DAB1: variants seen among roughly 807,000 people sequenced by gnomAD.
DAB1 encodes DAB adaptor protein 1.
Under a neutral mutation model 64.6 loss-of-function variants are expected in DAB1, and 15 were observed. The ratio of observed to expected loss-of-function variants is 0.23; its 90% confidence interval spans 0.16 to 0.36. The LOEUF (loss-of-function observed/expected upper bound fraction) is 0.36. DAB1 is among the 10% of genes least tolerant of loss of function. DAB1 has a pLI of 1.00. For synonymous variants in DAB1, 235 were observed against 251.9 expected (o/e 0.93, Z 0.64); for missense variants, 596 against 706.7 (o/e 0.84, Z 1.78).
chr1:58,087,201 A>G (rs1298121931), intron 5 of DAB1, among the ~76,000 whole-genome samples: 2 of 152,202 alleles, frequency 1.3e-5, no homozygotes, highest in Non-Finnish European at 2.9e-5. Context: ...CTTAGTAGAG[A>G]GCAGGTATCA....
chr1:57,392,722 A>G (rs1682483441), intron 1 of DAB1, among the ~76,000 whole-genome samples: 2 of 152,250 alleles, frequency 1.3e-5, no homozygotes, highest in South Asian at 4.1e-4. Context: ...GTGGAAGAGC[A>G]TTTCTAAACC....
At chr1:57,318,355 A>C (rs975675418) in intron 1 of DAB1, among the ~76,000 whole-genome samples, 11 of 152,170 alleles carry the variant, frequency 7.2e-5, no homozygotes, top group African/African-American at 2.7e-4. Context: ...GTACTAAGTA[A>C]ACAAAATGTC....
At chr1:57,226,674 T>A (rs628307) in intron 2 of DAB1, among the ~76,000 whole-genome samples, 55,970 of 115,354 alleles carry the variant, frequency 0.49, 12,755 homozygotes, top group Middle Eastern at 0.57. Flanking sequence ...AAAAAAAAAA[T>A]ATATATATAT....
At chr1:57,438,956 C>T (rs140529541) in intron 7 of DAB1, among the ~76,000 whole-genome samples, 1 of 152,286 alleles carries the variant, frequency 6.6e-6, no homozygotes, top group Admixed American at 6.5e-5. Context: ...TATGTGATTT[C>T]TCAGAGGTTG....
chr1:58,011,354 C>G (rs1475574004), intron 5 of DAB1, among the ~76,000 whole-genome samples: 1 of 152,174 alleles, frequency 6.6e-6, no homozygotes, highest in Non-Finnish European at 1.5e-5. Context: ...AAGTACTAAA[C>G]TAATCCAAAC....
In DAB1 at chr1:57,383,801, C is replaced by T. The variant is rs182719513; in HGVS notation, c.-137+40129G>A. Reference sequence around the variant, plus strand: ...AACCATGAAACTTACAACTACAAAACCTTTGAAAGAAAACACAAAGGAAAA... The same window carrying T: ...AACCATGAAACTTACAACTACAAAATCTTTGAAAGAAAACACAAAGGAAAA... On this transcript the variant is annotated intron_variant, in intron 1 of 14. Coordinates refer to ENST00000371236, the MANE Select transcript of DAB1 (RefSeq NM_001365792.1). 4.9e-4 allele frequency among the ~76,000 whole-genome samples: 75 copies of T among 152,118 alleles called. 1 individual carries two copies. Among genetic ancestry groups the T allele is most frequent in the African/African-American group, 1.7e-3 (71 of 41,508 alleles).
chr1:57,850,663 G>A (rs1000585329), intron 1 of DAB1, among the ~76,000 whole-genome samples: 12 of 152,112 alleles, frequency 7.9e-5, no homozygotes, highest in South Asian at 6.2e-4. Context: ...TGCAAGTGCC[G>A]GGCTGGACCC....
At position 57,595,932 on chromosome 1, in the gene DAB1, T is replaced by C. The variant is rs71642131; in HGVS notation, n.625+53660A>G. Among the ~76,000 whole-genome samples the C allele has an allele frequency of 9.3e-3, 1,409 of 152,312 alleles. 8 individuals are homozygous for C. The highest frequency in any genetic ancestry group is 0.037 in the South Asian group (178 of 4,826). On this transcript the variant is annotated intron_variant and non_coding_transcript_variant, in intron 7 of 20. Coordinates refer to the DAB1 transcript ENST00000485760. ...AGCAGATGCTGCTATGCTTCCTGTATAGCCTGCAGAATTGTGAGCCAATTA... is the reference window on the plus strand; with the variant it reads ...AGCAGATGCTGCTATGCTTCCTGTACAGCCTGCAGAATTGTGAGCCAATTA...
rs1027330332 is a variant in DAB1 at position 58,388,272 on chromosome 1, T to G, written n.258-44869A>C. ...CAGAACTCTGTTTCAAGAGACCATG[T>G]ACCTACCTAGAAATCCTAACATCCC... On this transcript the variant is annotated intron_variant and non_coding_transcript_variant, in intron 3 of 20. Coordinates refer to the DAB1 transcript ENST00000485760. Among the ~76,000 whole-genome samples the G allele has an allele frequency of 2.6e-5, 4 of 152,324 alleles. No homozygotes were observed. In the South Asian group the frequency reaches 8.3e-4, roughly 32 times the overall value.
intron 1 of DAB1, among the ~76,000 whole-genome samples, chr1:57,330,609 C>T (rs1370020898): frequency 3.3e-5 from 5 of 152,166 alleles, no homozygotes; most frequent in Non-Finnish European, 7.4e-5. Context: ...ATTTAGGATT[C>T]TTGCATTTTC....
chr1:57,889,907 G>C lies in DAB1; in HGVS notation n.388-5745C>G, dbSNP rs77667169. Among the ~76,000 whole-genome samples the C allele has an allele frequency of 5.8e-4, 72 of 123,496 alleles. No homozygotes were observed. In the East Asian group the frequency reaches 0.013, roughly 23 times the overall value. The allele number at this position is 123,496 out of a possible 152,430, so 81.0% of individuals were successfully genotyped here. On this transcript the variant is annotated intron_variant and non_coding_transcript_variant, in intron 5 of 20. Transcript: ENST00000485760. ...GGTAGCACAAACTGGGGCGGGGGGGGGGGAGGGGGAAGAAATCACTGGAGT... is the reference window on the plus strand; with the variant it reads ...GGTAGCACAAACTGGGGCGGGGGGGCGGGAGGGGGAAGAAATCACTGGAGT...
chr1:57,541,567 C>A (rs893129613), intron 7 of DAB1, among the ~76,000 whole-genome samples: 14 of 152,160 alleles, frequency 9.2e-5, no homozygotes, highest in African/African-American at 2.9e-4. Flanking sequence ...ATAAAACACC[C>A]TTCTCCCCTC....
At chr1:57,198,615 C>G (rs1031797306) in intron 2 of DAB1, among the ~76,000 whole-genome samples, 7 of 150,246 alleles carry the variant, frequency 4.7e-5, no homozygotes, top group Non-Finnish European at 1.0e-4. Context: ...TTAACTCTCT[C>G]TCTTCCTCCC....
chr1:57,702,821 G>C (rs1315977571), intron 6 of DAB1, among the ~76,000 whole-genome samples: 2 of 152,076 alleles, frequency 1.3e-5, no homozygotes, highest in East Asian at 3.9e-4. Context: ...CAAACAGCAT[G>C]GTACTGGTAC....
intron 1 of DAB1, among the ~76,000 whole-genome samples, chr1:57,838,567 A>G (rs1207859352): frequency 1.3e-5 from 2 of 152,122 alleles, no homozygotes; most frequent in South Asian, 2.1e-4. Flanking sequence ...GGGTTCATAA[A>G]AGAAATATAA....
chr1:57,547,403 C>T (rs1242884123), intron 7 of DAB1, among the ~76,000 whole-genome samples: 1 of 152,078 alleles, frequency 6.6e-6, no homozygotes, highest in Non-Finnish European at 1.5e-5. Flanking sequence ...ATATTTAATT[C>T]TTCTAAAGGA....
chr1:58,268,755 A>G (rs1213879664), intron 4 of DAB1, among the ~76,000 whole-genome samples: 1 of 152,204 alleles, frequency 6.6e-6, no homozygotes, highest in Non-Finnish European at 1.5e-5. Context: ...GGAAAAGTAG[A>G]AAAATCCATC....
rs537788208 is a variant in DAB1, at chr1:58,151,602, G to C, written n.310-1014C>G. ...AACAAGAAAATGAAATTGCATAGAAGGCTATCTTAACAGTGGCTGCCCTGT... is the reference window on the plus strand; with the variant it reads ...AACAAGAAAATGAAATTGCATAGAACGCTATCTTAACAGTGGCTGCCCTGT... On this transcript the variant is annotated intron_variant and non_coding_transcript_variant, in intron 4 of 20. Transcript: ENST00000485760. 3.3e-5 allele frequency among the ~76,000 whole-genome samples: 5 copies of C among 152,262 alleles called. No homozygotes were observed. The East Asian group carries it at 9.7e-4, about 29-fold the overall frequency.
intron 7 of DAB1, among the ~76,000 whole-genome samples, chr1:57,619,212 C>T (rs1645826617): frequency 6.6e-6 from 1 of 152,018 alleles, no homozygotes; most frequent in Non-Finnish European, 1.5e-5. Context: ...TATGGAGCAT[C>T]CTGCAGGACA....
Sources: gnomAD v4.1 joint callset for allele counts (sites outside exome capture counted in the v4.1 genomes callset) on GRCh38, gnomAD v4.1.1 for gene constraint, MANE v1.5 for transcripts, NCBI Gene and HGNC (gene_info 2026-07-23, HGNC 2026-07-21) for gene names.